ADAMTS17: variants seen among roughly 807,000 people sequenced by gnomAD.
ADAMTS17 encodes A disintegrin and metalloproteinase with thrombospondin motifs 17.
Under a neutral mutation model 141.5 loss-of-function variants are expected in ADAMTS17, and 113 were observed. That is an observed-to-expected ratio of 0.80 (90% CI 0.69 to 0.93). The LOEUF (loss-of-function observed/expected upper bound fraction) is 0.93, where lower values mean the gene tolerates loss of function less well. Among genes scored for constraint, ADAMTS17 ranks in the 40% least tolerant of loss-of-function variants. ADAMTS17 has a pLI of 0.00. For synonymous variants in ADAMTS17, 768 were observed against 630.6 expected, an observed-to-expected ratio of 1.22 and a Z score of -3.27; for missense variants, 1,659 against 1,517.9, an observed-to-expected ratio of 1.09 and a Z score of -1.54.
At chr15:100,073,338 T>G (rs1315624236) in intron 15 of ADAMTS17, among the ~76,000 whole-genome samples, 2 of 152,186 alleles carry the variant, frequency 1.3e-5, no homozygotes, top group Non-Finnish European at 2.9e-5. Flanking sequence ...GTTCAACCAT[T>G]GTGGAAGTCA....
intron 14 of ADAMTS17, 94 bp downstream of exon 14, chr15:100,108,895 C>A: frequency 6.2e-7 from 1 of 1,601,364 alleles, no homozygotes; most frequent in Non-Finnish European, 8.5e-7. Flanking sequence ...CTCCCCTAGG[C>A]CTCCTGAGAC....
intron 18 of ADAMTS17, among the ~76,000 whole-genome samples, chr15:99,999,126 G>A (rs548893328): frequency 6.6e-6 from 1 of 152,226 alleles, no homozygotes; most frequent in African/African-American, 2.4e-5. Flanking sequence ...CAGATTTATC[G>A]AGGGCCTCCC....
intron 8 of ADAMTS17, among the ~76,000 whole-genome samples, chr15:100,174,458 G>A (rs2040266630): frequency 6.7e-6 from 1 of 150,354 alleles, no homozygotes; most frequent in Non-Finnish European, 1.5e-5. Context: ...CAGATTCACT[G>A]TTTTTCTAAC....
At chr15:100,154,709 T>C (rs144690055) in intron 9 of ADAMTS17, among the ~76,000 whole-genome samples, 10 of 152,222 alleles carry the variant, frequency 6.6e-5, no homozygotes, top group Non-Finnish European at 1.3e-4. Context: ...GGGAAGAAAG[T>C]AGCAGTGAGA....
At chr15:100,168,565 A>C (rs1468483727) in intron 8 of ADAMTS17, 1 of 152,308 alleles carries the variant, frequency 6.6e-6, no homozygotes, top group Non-Finnish European at 1.5e-5. Context: ...ACCCCAGGCT[A>C]ACAGTCAACC....
At chr15:100,070,595 A>G (rs1337087130) in intron 15 of ADAMTS17, among the ~76,000 whole-genome samples, 2 of 150,120 alleles carry the variant, frequency 1.3e-5, no homozygotes, top group African/African-American at 2.5e-5. Context: ...AACTCACTCA[A>G]AACTGCTCAA....
chr15:100,156,379 G>A (rs898081217), intron 8 of ADAMTS17, among the ~76,000 whole-genome samples: 1 of 152,118 alleles, frequency 6.6e-6, no homozygotes, highest in East Asian at 1.9e-4. Context: ...TTTGCCTACA[G>A]AGATGCTCCC....
intron 7 of ADAMTS17, among the ~76,000 whole-genome samples, chr15:100,210,824 G>A (rs548490652): frequency 7.2e-5 from 11 of 152,104 alleles, no homozygotes; most frequent in Admixed American, 1.3e-4. Flanking sequence ...AAAATTGGCC[G>A]GGCGCGGTGG....
chr15:100,126,309 A>C (rs1415631581), intron 12 of ADAMTS17: 1 of 152,226 alleles, frequency 6.6e-6, no homozygotes, highest in Non-Finnish European at 1.5e-5. Flanking sequence ...ACTACATGGG[A>C]AAAAGGAGCA....
chr15:100,050,184 G>A (rs576339777), intron 17 of ADAMTS17, among the ~76,000 whole-genome samples: 1 of 152,182 alleles, frequency 6.6e-6, no homozygotes, highest in Non-Finnish European at 1.5e-5. Context: ...TGGCAGGTCT[G>A]ACCACTGTGT....
intron 10 of ADAMTS17, among the ~76,000 whole-genome samples, chr15:100,148,783 T>G (rs1283199611): frequency 6.6e-6 from 1 of 151,772 alleles, no homozygotes; most frequent in Non-Finnish European, 1.5e-5. Context: ...GATTGTCATC[T>G]TAAAGAGGGT....
intron 3 of ADAMTS17, among the ~76,000 whole-genome samples, chr15:100,298,388 G>A (rs966701198): frequency 7.2e-5 from 11 of 152,108 alleles, no homozygotes; most frequent in East Asian, 1.9e-4. Context: ...GACAACTGTC[G>A]CTCTGCAAGC....
chr15:100,254,469 T>C (rs958029182), intron 6 of ADAMTS17, among the ~76,000 whole-genome samples: 8 of 152,162 alleles, frequency 5.3e-5, no homozygotes, highest in African/African-American at 1.9e-4. Flanking sequence ...TGGAAGATGT[T>C]TGCCAAGTCA....
At chr15:99,975,079 C>T (rs1388287461) in intron 21 of ADAMTS17, among the ~76,000 whole-genome samples, 1 of 152,226 alleles carries the variant, frequency 6.6e-6, no homozygotes, top group Non-Finnish European at 1.5e-5. Flanking sequence ...CTTCTGCCAG[C>T]TCAAAGGCCT....
At chr15:99,999,678 C>A (rs1249968588) in intron 18 of ADAMTS17, among the ~76,000 whole-genome samples, 3 of 152,100 alleles carry the variant, frequency 2.0e-5, no homozygotes, top group Non-Finnish European at 4.4e-5. Context: ...ATGTTCCTTT[C>A]GGCTCTGAGA....
chr15:100,155,361 C>T (rs757297433), intron 8 of ADAMTS17, 41 bp from the exon 9 acceptor site: 45 of 1,599,292 alleles, frequency 2.8e-5, no homozygotes, highest in Middle Eastern at 3.3e-4. Context: ...ATGCTACAAG[C>T]TTCTCATTTC....
intron 4 of ADAMTS17, among the ~76,000 whole-genome samples, chr15:100,270,956 G>A (rs754528181): frequency 2.4e-4 from 37 of 151,314 alleles, no homozygotes; most frequent in African/African-American, 8.0e-4. Flanking sequence ...TCGACTTTCC[G>A]TCTCTGTGAA....
At chr15:100,311,324 C>T (rs114494658) in intron 3 of ADAMTS17, among the ~76,000 whole-genome samples, 319 of 152,296 alleles carry the variant, frequency 2.1e-3, no homozygotes, top group African/African-American at 7.2e-3. Context: ...AAGCCAGCAC[C>T]GAGGCCATGC....
intron 15 of ADAMTS17, among the ~76,000 whole-genome samples, chr15:100,071,007 A>C (rs2033930280): frequency 6.7e-6 from 1 of 150,352 alleles, no homozygotes. Context: ...AAGACTAATA[A>C]AGAAGAAAAG....
Sources: allele counts gnomAD v4.1 joint callset (sites outside exome capture counted in the v4.1 genomes callset), GRCh38; gene constraint gnomAD v4.1.1; transcripts MANE v1.5; gene names NCBI Gene and HGNC (gene_info 2026-07-23, HGNC 2026-07-21).